WDR17: variants seen among roughly 807,000 people sequenced by gnomAD.
WDR17 encodes WD repeat domain 17.
In WDR17, 143 loss-of-function variants were observed where a neutral mutation model predicts 161.7. The observed-to-expected ratio is 0.88, with a 90% CI of 0.77 to 1.02. The LOEUF is 1.02. Ranked by LOEUF, WDR17 falls within the 50% of genes least tolerant of loss-of-function variation. WDR17 has a pLI of 0.00. For missense variants in WDR17, 1,469 were observed against 1,520.9 expected (o/e 0.97, Z 0.57); for synonymous variants, 517 against 515.6 (o/e 1.00, Z -0.04).
At chr4:176,137,724 G>A in intron 9 of WDR17, 113 bp downstream of exon 9, 1 of 549,406 alleles carries the variant, frequency 1.8e-6, no homozygotes, top group South Asian at 5.4e-5. Flanking sequence ...GGTGGTATGT[G>A]TGTTCTCTCA....
chr4:176,155,546 T>TTTTTTTTTTGTTTTGTTTTGTTTTG (rs1747948351), intron 17 of WDR17, among the ~76,000 whole-genome samples: 1 of 108,876 alleles, frequency 9.2e-6, no homozygotes, highest in African/African-American at 3.4e-5. Context: ...TTTGTTTGTG[T>TTTTTTTTTTGTTTTGTTTTGTTTTG]TTTTTTTTTT....
intron 1 of WDR17, among the ~76,000 whole-genome samples, chr4:176,105,040 A>C (rs73874926): frequency 6.6e-6 from 1 of 151,906 alleles, no homozygotes; most frequent in Non-Finnish European, 1.5e-5. Context: ...GATGAAAAAA[A>C]TTTTTTCCAT....
At position 176,115,846 on chromosome 4, in the gene WDR17, TA is replaced by T. The variant is rs769084776; in HGVS notation, c.181del (p.Thr61GlnfsTer23). On this transcript the variant is annotated frameshift_variant, in exon 3 of 29. Coordinates refer to ENST00000508596, the MANE Select transcript of WDR17 (RefSeq NM_181265.4). LOFTEE classifies it high-confidence loss of function. ...FKLHAIMSEH[K>X]KTITAISWCP... is the part of the protein sequence containing the mutation. ...AACTTCACGCAATTATGTCTGAACA[TA>T]AAAAAACAATCACAGCAATTTCTTG... is the stretch of plus-strand genomic sequence containing the variant. 6 of 1,611,406 alleles carry T rather than the reference TA, an allele frequency of 3.7e-6. No homozygotes were observed. Among genetic ancestry groups the T allele is most frequent in the South Asian group, 2.2e-5 (2 of 90,800 alleles).
intron 1 of WDR17, among the ~76,000 whole-genome samples, chr4:176,092,735 G>T (rs1736288596): frequency 6.6e-6 from 1 of 152,114 alleles, no homozygotes; most frequent in Non-Finnish European, 1.5e-5. Context: ...TATGCCAACA[G>T]TGAACAATCT....
At chr4:176,071,396 C>T (rs1467398849) in intron 1 of WDR17, among the ~76,000 whole-genome samples, 3 of 150,468 alleles carry the variant, frequency 2.0e-5, no homozygotes, top group Non-Finnish European at 3.0e-5. Flanking sequence ...GATCTAGGCT[C>T]ACTGCAACCT....
At chr4:176,169,123 A>G (rs981808826) in intron 23 of WDR17, among the ~76,000 whole-genome samples, 4 of 152,234 alleles carry the variant, frequency 2.6e-5, no homozygotes, top group Non-Finnish European at 5.9e-5. Context: ...TCTAACTCCA[A>G]ATCCCAAGTG....
chr4:176,156,415 C>G (rs564250737), intron 18 of WDR17, among the ~76,000 whole-genome samples: 1 of 152,242 alleles, frequency 6.6e-6, no homozygotes, highest in African/African-American at 2.4e-5. Context: ...AACATACTCA[C>G]TGATTAATAA....
At chr4:176,137,660 T>A in intron 9 of WDR17, 49 bp downstream of exon 9, 1 of 1,127,140 alleles carries the variant, frequency 8.9e-7, no homozygotes, top group Non-Finnish European at 1.2e-6. Context: ...TATACTATTT[T>A]GTATTTATTT....
chr4:176,156,897 CT>C (rs1182201173), intron 18 of WDR17, among the ~76,000 whole-genome samples: 1 of 152,202 alleles, frequency 6.6e-6, no homozygotes, highest in South Asian at 2.1e-4. Context: ...CCAGTCTCTC[CT>C]TTATCTGCAC....
At chr4:176,168,142 C>T (rs1176718490) in intron 22 of WDR17, among the ~76,000 whole-genome samples, 1 of 151,426 alleles carries the variant, frequency 6.6e-6, no homozygotes, top group East Asian at 1.9e-4. Flanking sequence ...GGGAATGAGA[C>T]TATGCCTCAA....
At chr4:176,070,969 A>G (rs1425236279) in intron 1 of WDR17, among the ~76,000 whole-genome samples, 2 of 152,176 alleles carry the variant, frequency 1.3e-5, no homozygotes, top group Non-Finnish European at 2.9e-5. Flanking sequence ...TTTCTGCCCA[A>G]TGGGGAATCC....
At position 176,182,604 on chromosome 4, in the gene WDR17, A is replaced by G. The variant is rs961240019; in HGVS notation, c.*3025A>G. On this transcript the variant is annotated 3_prime_UTR_variant, in exon 29 of 29. Transcript: ENST00000508596. This position sits in a 1 kb window ranked among gnomAD's most constrained non-coding sequence, Gnocchi z 4.2. ...TTTAGTAGTTCATATTTAGTATATCAGTAATATAGAAGACATCTTTATAGT... is the reference window on the plus strand; with the variant it reads ...TTTAGTAGTTCATATTTAGTATATCGGTAATATAGAAGACATCTTTATAGT... The G allele has an allele frequency of 2.0e-5, 3 of 152,090 alleles. No homozygotes were observed. Among genetic ancestry groups the G allele is most frequent in the Admixed American group, 6.6e-5 (1 of 15,254 alleles). The allele number at this position is 152,090 out of a possible 1,614,324, so 9.4% of individuals were successfully genotyped here.
intron 22 of WDR17, among the ~76,000 whole-genome samples, chr4:176,165,253 C>A (rs1749613142): frequency 6.6e-6 from 1 of 151,680 alleles, no homozygotes; most frequent in Non-Finnish European, 1.5e-5. Context: ...CCTGTAATAC[C>A]ATCTACTTGG....
At chr4:176,078,623 C>A (rs116285030) in intron 1 of WDR17, among the ~76,000 whole-genome samples, 1 of 151,958 alleles carries the variant, frequency 6.6e-6, no homozygotes, top group Non-Finnish European at 1.5e-5. Flanking sequence ...CTTGTGGGAA[C>A]GAAATTCTTC....
In WDR17 at chr4:176,131,626, C is replaced by T; in HGVS notation, c.986C>T (p.Thr329Ile). Residue 329 changes from threonine to isoleucine, a missense_variant, in exon 7 of 29, where the codon ACA (threonine) becomes ATA (isoleucine). By Grantham distance (89) the Thr-to-Ile change is moderately conservative. Transcript: ENST00000508596. Reference sequence around the variant, plus strand: ...GAAGCAGTTCCACCCCCAACTTTAACACAGAATCAAGCATTTTCTCTTCCT... The same window carrying T: ...GAAGCAGTTCCACCCCCAACTTTAATACAGAATCAAGCATTTTCTCTTCCT... ...TSEAVPPPTL[T>I]QNQAFSLPPG... The T allele has an allele frequency of 6.2e-7, 1 of 1,613,730 alleles. No individual in the cohort carries two copies. The highest frequency in any genetic ancestry group is 8.5e-7 in the Non-Finnish European group (1 of 1,179,830).
At chr4:176,084,106 C>T (rs969503863) in intron 1 of WDR17, among the ~76,000 whole-genome samples, 4 of 151,900 alleles carry the variant, frequency 2.6e-5, no homozygotes, top group African/African-American at 7.3e-5. Flanking sequence ...GCCTTTCACA[C>T]TTTTAACAAT....
At chr4:176,080,964 T>G (rs1734671152) in intron 1 of WDR17, among the ~76,000 whole-genome samples, 2 of 101,104 alleles carry the variant, frequency 2.0e-5, no homozygotes, top group Admixed American at 1.7e-4. Flanking sequence ...TAATAGAGCT[T>G]TATCGCTTTA....
At chr4:176,088,136 C>T (rs1208940289) in intron 1 of WDR17, among the ~76,000 whole-genome samples, 1 of 152,016 alleles carries the variant, frequency 6.6e-6, no homozygotes, top group Non-Finnish European at 1.5e-5. Flanking sequence ...GAGCCACCAT[C>T]CCTGGCCTTT....
At position 176,141,967 on chromosome 4, in the gene WDR17, T is replaced by C; in HGVS notation, c.1443-16T>C. 1 of 1,534,280 alleles carries C rather than the reference T, an allele frequency of 6.5e-7. No homozygotes were observed. Among genetic ancestry groups the C allele is most frequent in the Non-Finnish European group, 8.9e-7 (1 of 1,122,026 alleles). ...AGAGTATTGTTTTTCTATTAACATA[T>C]TATAATTAATTCTAGTATTATTCGA... is the stretch of plus-strand genomic sequence containing the variant. On this transcript the variant is annotated splice_polypyrimidine_tract_variant and intron_variant, in intron 10 of 28. Transcript: ENST00000508596.
Sources: allele counts gnomAD v4.1 joint callset (sites outside exome capture counted in the v4.1 genomes callset), GRCh38; gene constraint gnomAD v4.1.1; non-coding constraint Gnocchi (gnomAD v3.1); transcripts MANE v1.5; gene names NCBI Gene and HGNC (gene_info 2026-07-23, HGNC 2026-07-21).